Variants in TSEN54 observed in about 807,000 individuals in gnomAD.
The protein encoded by TSEN54 is tRNA splicing endonuclease subunit 54.
TSEN54 carries 55 observed loss-of-function variants against 61.9 expected under a neutral mutation model. The observed-to-expected ratio is 0.89, with a 90% CI of 0.72 to 1.11. The LOEUF (loss-of-function observed/expected upper bound fraction) is 1.11, where lower values mean the gene tolerates loss of function less well. TSEN54 is among the 50% of genes most tolerant of loss of function. The probability of loss-of-function intolerance (pLI) is 0.00; values close to 1 mark genes in which losing one functional copy is unlikely to be tolerated. For missense variants in TSEN54, 760 were observed against 687.7 expected (o/e 1.11, Z -1.18); for synonymous variants, 304 against 288.7 (o/e 1.05, Z -0.54).
At chr17:75,518,475 G>A (rs577900840) in intron 5 of TSEN54, 1 of 966,934 alleles carries the variant, frequency 1.0e-6, no homozygotes, top group African/African-American at 1.8e-5. Context: ...AGGAGGAAGT[G>A]GTTAGCTGTG....
intron 5 of TSEN54, among the ~76,000 whole-genome samples, chr17:75,518,080 G>C (rs1355423155): frequency 6.6e-6 from 1 of 152,192 alleles, no homozygotes; most frequent in Admixed American, 6.5e-5. Flanking sequence ...GTGGATGAAG[G>C]TGCTGTCATT....
In TSEN54 at chr17:75,522,194, G is replaced by A. The variant is rs1023681567; in HGVS notation, c.1113G>A (p.Glu371=). The change falls in exon 8 of 11, where the codon GAG becomes GAA. Residue 371 remains glutamate (E), a synonymous_variant. Coordinates refer to ENST00000333213, the MANE Select transcript of TSEN54 (RefSeq NM_207346.3). The part of the protein sequence containing the change: ...QFQEDVNADP[E]VQRCSSWREY... Reference sequence around the variant, plus strand: ...AGGAAGATGTCAACGCCGATCCCGAGGTGCAGCGGTGCTCCAGCTGGCGGG... The same window carrying A: ...AGGAAGATGTCAACGCCGATCCCGAAGTGCAGCGGTGCTCCAGCTGGCGGG... 2.3e-5 allele frequency: 35 copies of A among 1,547,928 alleles called. No individual in the cohort carries two copies. The highest frequency in any genetic ancestry group is 3.0e-5 in the Non-Finnish European group (34 of 1,143,710).
chr17:75,516,559 G>A lies in TSEN54; in HGVS notation c.-2G>A. ...GCGCGCGCAGCGGCAGGCGGCGGCG[G>A]GATGGAGCCCGAGCCCGAGCCCGCG... On this transcript the variant is annotated 5_prime_UTR_variant, in exon 1 of 11. Transcript: ENST00000333213. 9.0e-7 allele frequency: 1 copy of A among 1,116,074 alleles called. No individual in the cohort carries two copies. Among genetic ancestry groups the A allele is most frequent in the Non-Finnish European group, 1.1e-6 (1 of 912,060 alleles). The allele number at this position is 1,116,074 out of a possible 1,614,324, so 69.1% of individuals were successfully genotyped here. A position where few individuals can be genotyped will look rare whatever the true frequency, so the allele number is the denominator to read the frequency against.
chr17:75,524,188 A>G, intron 10 of TSEN54, 74 bp from the exon 11 acceptor site: 2 of 1,604,932 alleles, frequency 1.2e-6, no homozygotes, highest in East Asian at 2.2e-5. Flanking sequence ...CTTCCGTAGA[A>G]TCTCTTCTCT....
chr17:75,522,564 T>C (rs2147014219), intron 8 of TSEN54: 1 of 1,420,224 alleles, frequency 7.0e-7, no homozygotes, highest in Non-Finnish European at 9.2e-7. Flanking sequence ...TATGACCATA[T>C]CCTTAAAAAG....
Position 75,517,462 on chromosome 17 carries a change from G to C in TSEN54, c.370-95G>C, listed in dbSNP as rs1213773786. On this transcript the variant is annotated intron_variant, in intron 4 of 10. Transcript: ENST00000333213. ...CCACATTCTTGATGCGCTGCTGAGA[G>C]GGGGAGGGGGAGGTATCAGAGCTGG... The C allele has an allele frequency of 7.3e-6, 9 of 1,231,994 alleles. No individual in the cohort carries two copies. The East Asian group carries it at 1.2e-4, about 16-fold the overall frequency. 76.3% of individuals were successfully genotyped at this position (1,231,994 alleles called of 1,614,324 possible). A position where few individuals can be genotyped will look rare whatever the true frequency, so the allele number is the denominator to read the frequency against.
intron 2 of TSEN54, 44 bp downstream of exon 2, chr17:75,516,954 G>T: frequency 1.3e-6 from 2 of 1,543,658 alleles, no homozygotes; most frequent in Non-Finnish European, 8.7e-7. Context: ...GGGGCGAGGC[G>T]GGCCGCGGGG....
At chr17:75,522,920 C>G in intron 8 of TSEN54, 2 of 356,146 alleles carry the variant, frequency 5.6e-6, no homozygotes, top group Non-Finnish European at 1.1e-5. Context: ...GTGGCTCATA[C>G]CCGTAATCCC....
At chr17:75,517,771 G>A in intron 5 of TSEN54, 116 bp downstream of exon 5, 1 of 903,816 alleles carries the variant, frequency 1.1e-6, no homozygotes, top group East Asian at 2.4e-5. Context: ...GGGCAGACGA[G>A]GGCTATGCTG....
intron 8 of TSEN54, chr17:75,522,705 A>G (rs2053441689): frequency 4.9e-6 from 2 of 410,710 alleles, no homozygotes; most frequent in East Asian, 1.0e-4. Context: ...CAGGGAACCA[A>G]TGGGGAAAGA....
Position 75,524,527 on chromosome 17 carries a change from G to C in TSEN54, c.*115G>C. ...CTCTAACCTGTAGCTTCAGAGGCCA[G>C]TCTGGGCCTTGGCCCTGGGTGTCTG... is the stretch of plus-strand genomic sequence containing the variant. On this transcript the variant is annotated 3_prime_UTR_variant, in exon 11 of 11. Coordinates refer to ENST00000333213, the MANE Select transcript of TSEN54 (RefSeq NM_207346.3). 7.4e-7 allele frequency: 1 copy of C among 1,354,494 alleles called. No individual in the cohort carries two copies. Among genetic ancestry groups the C allele is most frequent in the Non-Finnish European group, 1.0e-6 (1 of 957,072 alleles). 83.9% of individuals were successfully genotyped at this position (1,354,494 alleles called of 1,614,324 possible). A position where few individuals can be genotyped will look rare whatever the true frequency, so the allele number is the denominator to read the frequency against.
At chr17:75,521,534 C>T (rs370562785) in intron 7 of TSEN54, 24 bp downstream of exon 7, 3 of 1,609,166 alleles carry the variant, frequency 1.9e-6, no homozygotes, top group Non-Finnish European at 2.6e-6. Context: ...CACGGTGGCC[C>T]CCCAGGGAGT....
At chr17:75,517,852 G>T (rs2053390438) in intron 5 of TSEN54, among the ~76,000 whole-genome samples, 197 bp downstream of exon 5, 1 of 152,206 alleles carries the variant, frequency 6.6e-6, no homozygotes, top group Admixed American at 6.5e-5. Flanking sequence ...AAGATAAGGT[G>T]GGGGAAGAGA....
At chr17:75,519,939 T>A (rs1189507538) in intron 6 of TSEN54, among the ~76,000 whole-genome samples, 2 of 152,202 alleles carry the variant, frequency 1.3e-5, no homozygotes, top group Non-Finnish European at 2.9e-5. Flanking sequence ...GTACAGTGGT[T>A]CACCTGTGAG....
Position 75,522,663 on chromosome 17 carries a change from G to A in TSEN54, c.1252+330G>A, listed in dbSNP as rs1039824752. On this transcript the variant is annotated intron_variant, in intron 8 of 10. Coordinates refer to ENST00000333213, the MANE Select transcript of TSEN54 (RefSeq NM_207346.3). ...GAAAAGGAGGTGCCTTCTTGGCCAA[G>A]TGAAAGAAAGGCTTGCTGTCTGCTC... The A allele has an allele frequency of 7.1e-6, 5 of 705,608 alleles. No homozygotes were observed. In the African/African-American group the frequency reaches 9.0e-5, roughly 13 times the overall value. 43.7% of individuals were successfully genotyped at this position (705,608 alleles called of 1,614,324 possible). A position where few individuals can be genotyped will look rare whatever the true frequency, so the allele number is the denominator to read the frequency against.
intron 10 of TSEN54, 48 bp downstream of exon 10, chr17:75,523,827 C>G: frequency 6.3e-7 from 1 of 1,595,960 alleles, no homozygotes; most frequent in South Asian, 1.1e-5. Context: ...TGCCAGTTCT[C>G]CTGTGAACCA....
At chr17:75,519,149 G>A in intron 6 of TSEN54, 102 bp downstream of exon 6, 1 of 1,370,106 alleles carries the variant, frequency 7.3e-7, no homozygotes, top group Non-Finnish European at 1.0e-6. Flanking sequence ...ACCCTTGGCT[G>A]GAGTGCAGTT....
chr17:75,517,298 C>G, intron 4 of TSEN54, 54 bp downstream of exon 4: 1 of 1,542,052 alleles, frequency 6.5e-7, no homozygotes, highest in Non-Finnish European at 8.8e-7. Context: ...ACGGGAAGGA[C>G]ACGTTTTATC....
At chr17:75,523,848 C>T in intron 10 of TSEN54, 69 bp downstream of exon 10, 3 of 1,525,030 alleles carry the variant, frequency 2.0e-6, no homozygotes, top group Non-Finnish European at 2.7e-6. Flanking sequence ...AGTGGGACTC[C>T]TCTGTACTCC....
Sources: gnomAD v4.1 joint callset for allele counts (sites outside exome capture counted in the v4.1 genomes callset) on GRCh38, gnomAD v4.1.1 for gene constraint, MANE v1.5 for transcripts, NCBI Gene and HGNC (gene_info 2026-07-23, HGNC 2026-07-21) for gene names.